The following FHOD3 variants were observed in gnomAD, a reference collection of about 807,000 sequenced individuals.
FHOD3 encodes the protein formin homology 2 domain containing 3.
In FHOD3, 90 loss-of-function variants were observed where a neutral mutation model predicts 173.0. The ratio of observed to expected loss-of-function variants is 0.52; its 90% CI spans 0.44 to 0.62. The LOEUF (loss-of-function observed/expected upper bound fraction) is 0.62. FHOD3 is among the 20% of genes least tolerant of loss of function. The pLI, the probability that FHOD3 is intolerant of heterozygous loss-of-function variation, is 0.00. For missense variants in FHOD3, 1,945 were observed against 2,034.7 expected, an observed-to-expected ratio of 0.96 and a Z score of 0.85; for synonymous variants, 828 against 823.0, an observed-to-expected ratio of 1.01 and a Z score of -0.10.
chr18:36,514,969 G>C (rs1013962169), intron 5 of FHOD3, among the ~76,000 whole-genome samples: 2 of 152,216 alleles, frequency 1.3e-5, no homozygotes, highest in Non-Finnish European at 2.9e-5. Context: ...GCTGCATAGA[G>C]GGAGTTCGGA....
At chr18:36,320,748 A>C (rs561609647) in intron 1 of FHOD3, among the ~76,000 whole-genome samples, 52 of 152,220 alleles carry the variant, frequency 3.4e-4, no homozygotes, top group Non-Finnish European at 6.6e-4. Flanking sequence ...GATACCCTCA[A>C]AGTGCATTGC....
At chr18:36,616,446 T>G (rs1599885842) in intron 9 of FHOD3, among the ~76,000 whole-genome samples, 3 of 152,236 alleles carry the variant, frequency 2.0e-5, no homozygotes, top group Admixed American at 2.0e-4. Context: ...ACATTTTCTC[T>G]CCAGCCTACC....
chr18:36,655,745 C>CCACACACACA (rs60138204), intron 13 of FHOD3, among the ~76,000 whole-genome samples: 1 of 137,858 alleles, frequency 7.3e-6, no homozygotes, highest in Non-Finnish European at 1.5e-5. Context: ...CCCTCACCCT[C>CCACACACACA]CACACACACA....
chr18:36,439,521 A>ATGTGTGTGTG (rs33931333), intron 3 of FHOD3, among the ~76,000 whole-genome samples: 47 of 144,828 alleles, frequency 3.2e-4, no homozygotes, highest in Non-Finnish European at 3.8e-4. Context: ...AACCAATAGA[A>ATGTGTGTGTG]TGTGTGTGTG....
chr18:36,422,801 T>C (rs901124729), intron 3 of FHOD3, among the ~76,000 whole-genome samples: 2 of 152,210 alleles, frequency 1.3e-5, no homozygotes, highest in African/African-American at 4.8e-5. Flanking sequence ...ATCTGATTAA[T>C]TTAAGCATTG....
At chr18:36,558,569 A>G (rs1018244791) in intron 5 of FHOD3, among the ~76,000 whole-genome samples, 1 of 152,220 alleles carries the variant, frequency 6.6e-6, no homozygotes, top group Non-Finnish European at 1.5e-5. Flanking sequence ...CTGGGAATAT[A>G]TCTTAAATAT....
At chr18:36,409,382 C>T (rs1216301540) in intron 3 of FHOD3, among the ~76,000 whole-genome samples, 1 of 152,078 alleles carries the variant, frequency 6.6e-6, no homozygotes, top group African/African-American at 2.4e-5. Context: ...GTCTGATCAC[C>T]CTTCCTCACC....
At chr18:36,548,572 G>A (rs540620110) in intron 5 of FHOD3, among the ~76,000 whole-genome samples, 1 of 152,218 alleles carries the variant, frequency 6.6e-6, no homozygotes, top group South Asian at 2.1e-4. Context: ...CAACGACTTG[G>A]GATTCTCTTT....
chr18:36,736,030 T>C (rs908681953), intron 20 of FHOD3, among the ~76,000 whole-genome samples: 1 of 152,260 alleles, frequency 6.6e-6, no homozygotes, highest in African/African-American at 2.4e-5. Flanking sequence ...AGTTATCACA[T>C]TGAAACAGGA....
chr18:36,395,272 A>G (rs56095870), intron 3 of FHOD3, among the ~76,000 whole-genome samples: 7,323 of 150,504 alleles, frequency 0.049, 602 homozygotes, highest in African/African-American at 0.17. Context: ...AGCCAAGATC[A>G]TGCCACTGCA....
At chr18:36,438,489 G>A (rs887312562) in intron 3 of FHOD3, among the ~76,000 whole-genome samples, 35 of 152,064 alleles carry the variant, frequency 2.3e-4, no homozygotes, top group Admixed American at 3.3e-4. Context: ...TAGCCCTTCT[G>A]CCCAGATCCC....
Position 36,501,833 on chromosome 18 carries a change from C to T in FHOD3, c.338-99C>T, listed in dbSNP as rs117907005. The T allele has an allele frequency of 3.6e-6, 3 of 829,346 alleles. No individual in the cohort carries two copies. The East Asian group carries it at 8.4e-5, about 23-fold the overall frequency. The allele number at this position is 829,346 out of a possible 1,614,324, so 51.4% of individuals were successfully genotyped here. A position where few individuals can be genotyped will look rare whatever the true frequency, so the allele number is the denominator to read the frequency against. On this transcript the variant is annotated intron_variant, in intron 3 of 28. Transcript: ENST00000590592. Reference sequence around the variant, plus strand: ...AATGAAATGAATAGGCTTTCATTACCTTTCCAGGGATAGTTTTGTTATCAT... The same window carrying T: ...AATGAAATGAATAGGCTTTCATTACTTTTCCAGGGATAGTTTTGTTATCAT...
rs1455200350 is a variant in FHOD3 at position 36,769,308 on chromosome 18, T to C, written c.4668T>C (p.Asn1556=). The change falls in exon 28 of 29, where the codon AAT becomes AAC. Residue 1556 remains asparagine, a synonymous_variant. Coordinates refer to ENST00000590592, the MANE Select transcript of FHOD3 (RefSeq NM_001281740.3). The stretch of plus-strand genomic sequence containing the variant: ...CTATGGGAACTGATGACTCGCCCAA[T>C]GTCACAGATGATGCAGCTGATGAGA... ...SWTMGTDDSP[N]VTDDAADEIM... The C allele has an allele frequency of 8.1e-6, 13 of 1,614,174 alleles. No individual in the cohort carries two copies. Among genetic ancestry groups the C allele is most frequent in the Non-Finnish European group, 1.0e-5 (12 of 1,180,034 alleles).
chr18:36,517,181 C>A (rs1420589011), intron 5 of FHOD3, among the ~76,000 whole-genome samples: 5 of 152,244 alleles, frequency 3.3e-5, no homozygotes, highest in African/African-American at 1.2e-4. Context: ...GTGGTTGTAG[C>A]TAATGATCTA....
chr18:36,647,068 C>T (rs905764603), intron 10 of FHOD3, among the ~76,000 whole-genome samples: 1 of 152,104 alleles, frequency 6.6e-6, no homozygotes, highest in African/African-American at 2.4e-5. Flanking sequence ...GAAACCCCGT[C>T]TCTACTAAAT....
intron 6 of FHOD3, 151 bp downstream of exon 6, chr18:36,576,696 G>T: frequency 5.7e-6 from 3 of 522,038 alleles, no homozygotes; most frequent in Non-Finnish European, 3.4e-6. Flanking sequence ...CAAATTTTAA[G>T]ATACACTTAA....
In FHOD3 at chr18:36,779,590, C is replaced by T. The variant is rs1457431627; in HGVS notation, c.*60C>T. On this transcript the variant is annotated 3_prime_UTR_variant, in exon 29 of 29. Coordinates refer to ENST00000590592, the MANE Select transcript of FHOD3 (RefSeq NM_001281740.3). ...GAAGGCAAGCTCTTGCTGGATGAAA[C>T]CCCTCCAGGTGGGGTTGGGGAGACT... 1 of 1,489,074 alleles carries T rather than the reference C, an allele frequency of 6.7e-7. No homozygotes were observed. The highest frequency in any genetic ancestry group is 9.4e-7 in the Non-Finnish European group (1 of 1,067,688). 92.2% of individuals were successfully genotyped at this position (1,489,074 alleles called of 1,614,324 possible).
intron 5 of FHOD3, among the ~76,000 whole-genome samples, chr18:36,561,647 CTATT>C (rs1393764335): frequency 6.6e-6 from 1 of 152,172 alleles, no homozygotes; most frequent in African/African-American, 2.4e-5. Flanking sequence ...ACCATCATCA[CTATT>C]TATTTCTAAA....
intron 10 of FHOD3, 149 bp downstream of exon 10, chr18:36,625,898 C>A: frequency 1.6e-6 from 1 of 634,900 alleles, no homozygotes; most frequent in Non-Finnish European, 2.4e-6. Context: ...AACCACCAGC[C>A]AAACATCTCG....
Sources: gnomAD v4.1 joint callset for allele counts (sites outside exome capture counted in the v4.1 genomes callset) on GRCh38, gnomAD v4.1.1 for gene constraint, MANE v1.5 for transcripts, NCBI Gene and HGNC (gene_info 2026-07-23, HGNC 2026-07-21) for gene names.